TTBK2: variants seen among roughly 807,000 people sequenced by gnomAD.
The protein encoded by TTBK2 is tau tubulin kinase 2, also known as tau-tubulin kinase 2.
In TTBK2, 28 loss-of-function variants were observed where a neutral mutation model predicts 110.8. The ratio of observed to expected loss-of-function variants is 0.25; its 90% CI spans 0.19 to 0.35. The LOEUF (loss-of-function observed/expected upper bound fraction) is 0.35. Among genes scored for constraint, TTBK2 ranks in the 10% least tolerant of loss-of-function variants. The pLI is 1.00. For synonymous variants in TTBK2, 532 were observed against 527.3 expected (o/e 1.01, Z -0.12); for missense variants, 1,369 against 1,500.3 (o/e 0.91, Z 1.45).
intron 2 of TTBK2, 39 bp downstream of exon 2, chr15:42,878,492 TACACACACACACACACAC>T (rs10650948): frequency 4.5e-6 from 7 of 1,542,304 alleles, no homozygotes; most frequent in South Asian, 3.4e-5. Context: ...CCGATATGTA[TACACACACACACACACAC>T]ACACACACAC....
chr15:42,802,251 T>G (rs762874216), intron 9 of TTBK2: 1 of 825,650 alleles, frequency 1.2e-6, no homozygotes, highest in South Asian at 1.3e-5. Context: ...CACCATATCC[T>G]GCACCCAGGC....
At chr15:42,839,566 C>T (rs1893136241) in intron 4 of TTBK2, among the ~76,000 whole-genome samples, 1 of 152,210 alleles carries the variant, frequency 6.6e-6, no homozygotes, top group African/African-American at 2.4e-5. Flanking sequence ...TTCCCACCAG[C>T]AGTGTATAAG....
intron 9 of TTBK2, among the ~76,000 whole-genome samples, chr15:42,796,955 T>C (rs1393766508): frequency 1.3e-5 from 2 of 152,232 alleles, no homozygotes; most frequent in African/African-American, 4.8e-5. Context: ...GAAATTTTAT[T>C]TGGGTCCTAT....
rs181682141 is a variant in TTBK2 at position 42,808,845 on chromosome 15, C to T, written c.822+1769G>A. The stretch of plus-strand genomic sequence containing the variant: ...TAGCCTTGCTGACAGACCGAGACCC[C>T]GTCTCAAAAAATTTTTTTAAATGAA... On this transcript the variant is annotated intron_variant, in intron 9 of 14. Transcript: ENST00000267890. Among the ~76,000 whole-genome samples, 25 of 152,092 alleles carry T rather than the reference C, an allele frequency of 1.6e-4. No individual in the cohort carries two copies. The East Asian group carries it at 3.5e-3, about 21-fold the overall frequency.
chr15:42,907,092 G>A lies in TTBK2; in HGVS notation c.-68+13346C>T, dbSNP rs554735583. Reference sequence around the variant, plus strand: ...AAAATGCTTAATATCACTAATCAGAGAAATGTAAATCAAAACCTCACAAAA... The same window carrying A: ...AAAATGCTTAATATCACTAATCAGAAAAATGTAAATCAAAACCTCACAAAA... On this transcript the variant is annotated intron_variant, in intron 1 of 14. Transcript: ENST00000267890. Among the ~76,000 whole-genome samples, 47 of 151,882 alleles carry A rather than the reference G, an allele frequency of 3.1e-4. No individual in the cohort carries two copies. In the South Asian group the frequency reaches 9.5e-3, roughly 31 times the overall value.
intron 4 of TTBK2, among the ~76,000 whole-genome samples, chr15:42,837,998 A>T (rs1311174418): frequency 6.6e-6 from 1 of 152,018 alleles, no homozygotes; most frequent in African/African-American, 2.4e-5. Flanking sequence ...GCCTGAGGTT[A>T]GGAGTTTAAT....
At position 42,858,387 on chromosome 15, in the gene TTBK2, G is replaced by A. The variant is rs962073740; in HGVS notation, c.217+14224C>T. ...ATTTATTTTAAAGTACTCCAGAAAC[G>A]TGGGGAAAAAATGTTGAAGGGGTAG... is the stretch of plus-strand genomic sequence containing the variant. On this transcript the variant is annotated intron_variant, in intron 3 of 14. Coordinates refer to ENST00000267890, the MANE Select transcript of TTBK2 (RefSeq NM_173500.4). Among the ~76,000 whole-genome samples the A allele has an allele frequency of 2.7e-4, 41 of 152,180 alleles. 1 individual carries two copies. The highest frequency in any genetic ancestry group is 6.2e-4 in the South Asian group (3 of 4,818).
chr15:42,820,913 A>G (rs927246788), intron 6 of TTBK2, among the ~76,000 whole-genome samples: 2 of 152,128 alleles, frequency 1.3e-5, no homozygotes, highest in African/African-American at 4.8e-5. Context: ...GCTACTTGGG[A>G]GGCTGAGATG....
chr15:42,860,414 A>G (rs897530859), intron 3 of TTBK2, among the ~76,000 whole-genome samples: 2 of 151,974 alleles, frequency 1.3e-5, no homozygotes, highest in Admixed American at 1.3e-4. Flanking sequence ...CTAGAGGGAA[A>G]AGAAAAACAA....
At chr15:42,881,630 T>C (rs1341376487) in intron 1 of TTBK2, among the ~76,000 whole-genome samples, 3 of 152,002 alleles carry the variant, frequency 2.0e-5, no homozygotes, top group South Asian at 2.1e-4. Context: ...TCATAGCACT[T>C]TGGGAGGCTG....
At chr15:42,764,655 T>C (rs1380830404) in intron 13 of TTBK2, among the ~76,000 whole-genome samples, 2 of 152,260 alleles carry the variant, frequency 1.3e-5, no homozygotes, top group African/African-American at 2.4e-5. Flanking sequence ...CTGCTGCCTC[T>C]GTAGACTCCA....
At chr15:42,823,291 G>A (rs980550488) in intron 6 of TTBK2, among the ~76,000 whole-genome samples, 1 of 152,022 alleles carries the variant, frequency 6.6e-6, no homozygotes, top group South Asian at 2.1e-4. Flanking sequence ...AAAATGAACA[G>A]GCAGATTCAA....
At chr15:42,760,421 G>T (rs141603053) in intron 13 of TTBK2, among the ~76,000 whole-genome samples, 1,625 of 148,264 alleles carry the variant, frequency 0.011, 29 homozygotes, top group African/African-American at 0.037. Flanking sequence ...AGAATTCAAT[G>T]AATGAAATAA....
chr15:42,800,706 G>A (rs747281735), intron 9 of TTBK2, among the ~76,000 whole-genome samples: 40 of 151,232 alleles, frequency 2.6e-4, no homozygotes, highest in African/African-American at 9.5e-4. Flanking sequence ...GCAATAGAGG[G>A]AAAGAAATGC....
chr15:42,866,477 C>CAAAACTCTTCT (rs1894378005), intron 3 of TTBK2, among the ~76,000 whole-genome samples: 1 of 151,982 alleles, frequency 6.6e-6, no homozygotes, highest in East Asian at 1.9e-4. Context: ...CTGGAGACTT[C>CAAAACTCTTCT]AAAACTCTTC....
chr15:42,798,838 G>A lies in TTBK2; in HGVS notation c.823-4037C>T, dbSNP rs76414381. On this transcript the variant is annotated intron_variant, in intron 9 of 14. Transcript: ENST00000267890. ...ATGTAGGGAAGAGAAGCAGTTAAGT[G>A]AAGGGGAAGTTGTTTGAAGAGGAGG... 4.7e-3 allele frequency among the ~76,000 whole-genome samples: 712 copies of A among 152,244 alleles called. 7 individuals carry two copies. Among genetic ancestry groups the A allele is most frequent in the African/African-American group, 0.017 (686 of 41,554 alleles).
At chr15:42,776,970 A>G (rs1274916901) in intron 12 of TTBK2, 61 bp downstream of exon 12, 1 of 1,516,110 alleles carries the variant, frequency 6.6e-7, no homozygotes, top group Non-Finnish European at 9.1e-7. Flanking sequence ...TAATAACAAC[A>G]ATGACAACAA....
chr15:42,745,787 C>A lies in TTBK2; in HGVS notation c.*8G>T. ...TCTCACACCTTTCAAAGAGATGCAG[C>A]CTGGCTCCTATCTGCTGAGTTTACT... is the stretch of plus-strand genomic sequence containing the variant. On this transcript the variant is annotated 3_prime_UTR_variant, in exon 15 of 15. Coordinates refer to ENST00000267890, the MANE Select transcript of TTBK2 (RefSeq NM_173500.4). 1 of 1,613,854 alleles carries A rather than the reference C, an allele frequency of 6.2e-7. No homozygotes were observed. The highest frequency in any genetic ancestry group is 8.5e-7 in the Non-Finnish European group (1 of 1,179,998).
chr15:42,890,032 A>G (rs1380112446), intron 1 of TTBK2, among the ~76,000 whole-genome samples: 1 of 152,212 alleles, frequency 6.6e-6, no homozygotes, highest in Non-Finnish European at 1.5e-5. Context: ...GATGGCCTGA[A>G]GCAACTGAAG....
Sources: gnomAD v4.1 joint callset for allele counts (sites outside exome capture counted in the v4.1 genomes callset) on GRCh38, gnomAD v4.1.1 for gene constraint, MANE v1.5 for transcripts, NCBI Gene and HGNC (gene_info 2026-07-23, HGNC 2026-07-21) for gene names.